Variants in EDNRA observed in about 807,000 individuals in gnomAD.
EDNRA encodes the protein endothelin receptor type A.
Under a neutral mutation model 41.4 loss-of-function variants are expected in EDNRA, and 11 were observed. That is an observed-to-expected ratio of 0.27 (90% CI 0.17 to 0.44). The LOEUF is 0.44. Ranked by LOEUF, EDNRA falls within the 20% of genes least tolerant of loss-of-function variation. EDNRA has a pLI of 1.00. For missense variants in EDNRA, 294 were observed against 531.0 expected, an observed-to-expected ratio of 0.55 and a Z score of 4.39; for synonymous variants, 172 against 183.0, an observed-to-expected ratio of 0.94 and a Z score of 0.49.
chr4:147,496,001 G>A (rs1729287716), intron 2 of EDNRA: 1 of 152,098 alleles, frequency 6.6e-6, no homozygotes, highest in East Asian at 1.9e-4. Context: ...AATGCATAAG[G>A]AACTTCATTA....
chr4:147,498,660 C>G (rs1176072349), intron 2 of EDNRA, among the ~76,000 whole-genome samples: 1 of 152,218 alleles, frequency 6.6e-6, no homozygotes, highest in East Asian at 1.9e-4. Context: ...TGGCATCTCA[C>G]CAACTGCCCT....
chr4:147,526,170 G>T (rs557031140), intron 3 of EDNRA, among the ~76,000 whole-genome samples: 3 of 152,270 alleles, frequency 2.0e-5, no homozygotes, highest in African/African-American at 7.2e-5. Context: ...TGAGTTATTT[G>T]TTCTTTTATC....
At chr4:147,498,277 A>G (rs535109933) in intron 2 of EDNRA, among the ~76,000 whole-genome samples, 50 of 152,322 alleles carry the variant, frequency 3.3e-4, no homozygotes, top group African/African-American at 1.1e-3. Flanking sequence ...TTCTGGGGAA[A>G]TAGCTTCACG....
At chr4:147,498,811 C>G (rs1287704635) in intron 2 of EDNRA, among the ~76,000 whole-genome samples, 1 of 152,034 alleles carries the variant, frequency 6.6e-6, no homozygotes, top group Non-Finnish European at 1.5e-5. Context: ...TTCACTGTTT[C>G]CCAGGCTTAT....
chr4:147,491,296 T>G (rs753278793), intron 2 of EDNRA: 1 of 152,212 alleles, frequency 6.6e-6, no homozygotes, highest in Non-Finnish European at 1.5e-5. Context: ...ATAGAGCCAG[T>G]TATCTCCATG....
chr4:147,536,948 A>G (rs7677315), intron 5 of EDNRA, among the ~76,000 whole-genome samples: 51,769 of 152,024 alleles, frequency 0.34, 10,507 homozygotes, highest in African/African-American at 0.57. Context: ...CCTGAGACAT[A>G]TAAGGTGCCT....
chr4:147,516,920 C>T (rs1730134271), intron 2 of EDNRA, among the ~76,000 whole-genome samples: 1 of 151,610 alleles, frequency 6.6e-6, no homozygotes, highest in South Asian at 2.1e-4. Flanking sequence ...CAGAAAATTA[C>T]TCCAGGAAAA....
intron 7 of EDNRA, among the ~76,000 whole-genome samples, chr4:147,541,666 A>C (rs1731108039): frequency 6.6e-6 from 1 of 152,210 alleles, no homozygotes; most frequent in Non-Finnish European, 1.5e-5. Context: ...TTACAGTCTA[A>C]ACAGAGGCAG....
chr4:147,511,115 C>A (rs1458097414), intron 2 of EDNRA, among the ~76,000 whole-genome samples: 1 of 152,124 alleles, frequency 6.6e-6, no homozygotes, highest in African/African-American at 2.4e-5. Flanking sequence ...TCTCTGCATT[C>A]AATAGAACTT....
At chr4:147,523,682 G>A (rs534305195) in intron 3 of EDNRA, among the ~76,000 whole-genome samples, 1 of 151,846 alleles carries the variant, frequency 6.6e-6, no homozygotes, top group Non-Finnish European at 1.5e-5. Context: ...AGTAGAGACG[G>A]GGTTTCACCG....
chr4:147,496,310 G>T (rs1289637691), intron 2 of EDNRA, among the ~76,000 whole-genome samples: 2 of 152,082 alleles, frequency 1.3e-5, no homozygotes, highest in Non-Finnish European at 2.9e-5. Context: ...TTTTAAAATG[G>T]TGTCATTGAT....
chr4:147,505,802 C>T (rs540017265), intron 2 of EDNRA, among the ~76,000 whole-genome samples: 1 of 151,854 alleles, frequency 6.6e-6, no homozygotes, highest in African/African-American at 2.4e-5. Flanking sequence ...GTGCCCGCCA[C>T]CATGCCCAGC....
rs200016399 is a variant in EDNRA, at chr4:147,535,988, A to G, written c.859A>G (p.Asn287Asp). Residue 287 changes from asparagine to aspartate, a missense_variant, in exon 5 of 8, where the codon AAT (asparagine) becomes GAT (aspartate). Transcript: ENST00000651419. Reference sequence around the variant, plus strand: ...GACTTGTGAGATGTTGAACAGAAGGAATGGCAGCTTGAGAATTGCCCTCAG... The same window carrying G: ...GACTTGTGAGATGTTGAACAGAAGGGATGGCAGCTTGAGAATTGCCCTCAG... Reference protein sequence around the residue: ...LMTCEMLNRRNGSLRIALSEH... With the variant: ...LMTCEMLNRRDGSLRIALSEH... 2.1e-5 allele frequency: 34 copies of G among 1,613,918 alleles called. No homozygotes were observed. Among genetic ancestry groups the G allele is most frequent in the Non-Finnish European group, 2.8e-5 (33 of 1,179,942 alleles).
At chr4:147,485,375 AGATGATGGAGATGAT>A (rs1329774113) in intron 1 of EDNRA, among the ~76,000 whole-genome samples, 1 of 152,194 alleles carries the variant, frequency 6.6e-6, no homozygotes, top group Non-Finnish European at 1.5e-5. Context: ...GAGATGACAG[AGATGATGGAGATGAT>A]GGAGATGGAG....
Position 147,486,202 on chromosome 4 carries a change from GT to G in EDNRA, c.420+106del. Reference sequence around the variant, plus strand: ...TTCTGACCTTTGGAATTTTATCTGTGTTTTTACTGAGAGCTATTTCTGCTGT... The same window carrying G: ...TTCTGACCTTTGGAATTTTATCTGTGTTTTACTGAGAGCTATTTCTGCTGT... On this transcript the variant is annotated intron_variant, in intron 2 of 7. Coordinates refer to ENST00000651419, the MANE Select transcript of EDNRA (RefSeq NM_001957.4). The surrounding 1 kb of genome is among the most constrained non-coding windows in gnomAD (Gnocchi z 4.3). 1 of 1,316,132 alleles carries G rather than the reference GT, an allele frequency of 7.6e-7. No homozygotes were observed. 81.5% of individuals were successfully genotyped at this position (1,316,132 alleles called of 1,614,324 possible).
intron 3 of EDNRA, among the ~76,000 whole-genome samples, chr4:147,523,820 GT>G: frequency 6.6e-6 from 1 of 152,200 alleles, no homozygotes; most frequent in Non-Finnish European, 1.5e-5. Flanking sequence ...CTGTTCTAAC[GT>G]TAATGCTGGC....
intron 1 of EDNRA, among the ~76,000 whole-genome samples, chr4:147,483,850 G>T (rs1054243295): frequency 4.0e-5 from 6 of 151,618 alleles, no homozygotes; most frequent in African/African-American, 1.5e-4. Flanking sequence ...CTCCCAAGTA[G>T]CTGAGACTAC....
chr4:147,535,921 C>T lies in EDNRA; in HGVS notation c.792C>T (p.Phe264=). The T allele has an allele frequency of 1.9e-6, 3 of 1,612,308 alleles. No individual in the cohort carries two copies. The highest frequency in any genetic ancestry group is 2.5e-6 in the Non-Finnish European group (3 of 1,179,440). ...ACTGGTGGCTCTTCGGGTTCTATTTCTGTATGCCCTTGGTGTGCACTGCGA... is the reference window on the plus strand; with the variant it reads ...ACTGGTGGCTCTTCGGGTTCTATTTTTGTATGCCCTTGGTGTGCACTGCGA... ...VKDWWLFGFY[F]CMPLVCTAIF... is the part of the protein sequence containing the mutation. The change falls in exon 5 of 8, where the codon TTC becomes TTT. Residue 264 remains phenylalanine (F), a synonymous_variant. Coordinates refer to ENST00000651419, the MANE Select transcript of EDNRA (RefSeq NM_001957.4).
intron 2 of EDNRA, among the ~76,000 whole-genome samples, chr4:147,504,268 T>C (rs1289300659): frequency 2.6e-5 from 4 of 152,234 alleles, no homozygotes; most frequent in African/African-American, 9.7e-5. Flanking sequence ...AGTGAAACCA[T>C]ATTAATGAAC....
Sources: allele counts gnomAD v4.1 joint callset (sites outside exome capture counted in the v4.1 genomes callset), GRCh38; gene constraint gnomAD v4.1.1; non-coding constraint Gnocchi (gnomAD v3.1); transcripts MANE v1.5; gene names NCBI Gene and HGNC (gene_info 2026-07-23, HGNC 2026-07-21).